The following GNS variants were observed in gnomAD, a reference collection of about 807,000 sequenced individuals.
GNS encodes the protein N-acetylglucosamine-6-sulfatase.
GNS carries 40 observed loss-of-function variants against 69.7 expected under a neutral mutation model. The ratio of observed to expected loss-of-function variants is 0.57; its 90% CI spans 0.45 to 0.75. The LOEUF (loss-of-function observed/expected upper bound fraction) is 0.75, where lower values mean the gene tolerates loss of function less well. Ranked by LOEUF, GNS falls within the 30% of genes least tolerant of loss-of-function variation. The pLI, the probability that GNS is intolerant of heterozygous loss-of-function variation, is 0.00. For missense variants in GNS, 565 were observed against 685.5 expected (o/e 0.82, Z 1.96); for synonymous variants, 243 against 251.6 (o/e 0.97, Z 0.32).
chr12:64,743,712 C>T (rs577389435), intron 5 of GNS, among the ~76,000 whole-genome samples: 6 of 152,210 alleles, frequency 3.9e-5, no homozygotes, highest in Admixed American at 3.3e-4. Flanking sequence ...GATTAAGTTA[C>T]CTTAACCTTA....
intron 13 of GNS, among the ~76,000 whole-genome samples, chr12:64,719,798 G>A (rs1330923170): frequency 6.6e-6 from 1 of 152,104 alleles, no homozygotes; most frequent in African/African-American, 2.4e-5. Context: ...TGTTTGGTGG[G>A]GAGCAGGGCT....
intron 13 of GNS, among the ~76,000 whole-genome samples, chr12:64,717,518 A>AT (rs57088346): frequency 0.014 from 1,822 of 131,296 alleles, 39 homozygotes; most frequent in African/African-American, 0.044. Context: ...CACCTGGCTA[A>AT]TTTTTTTTTT....
At chr12:64,748,876 A>G (rs1869980203) in intron 2 of GNS, among the ~76,000 whole-genome samples, 1 of 152,198 alleles carries the variant, frequency 6.6e-6, no homozygotes, top group South Asian at 2.1e-4. Flanking sequence ...TCATGCAAAA[A>G]TTGGGTATTA....
intron 10 of GNS, among the ~76,000 whole-genome samples, chr12:64,727,056 C>A (rs1377475449): frequency 6.6e-6 from 1 of 151,950 alleles, no homozygotes; most frequent in Admixed American, 6.6e-5. Flanking sequence ...ATCAAAACCA[C>A]AATGAGATAC....
intron 3 of GNS, 139 bp downstream of exon 3, chr12:64,747,572 TA>T: frequency 1.5e-6 from 1 of 651,334 alleles, no homozygotes; most frequent in South Asian, 1.8e-5. Context: ...ATGATATGGG[TA>T]CTTGTTTAAT....
In GNS at chr12:64,745,811, A is replaced by G. The variant is rs1212290053; in HGVS notation, c.460-87T>C. Reference sequence around the variant, plus strand: ...ACAGGAAATTTTACAATCTTTTTAGACCAGTGCCTGAAACATAGTAGGTAC... The same window carrying G: ...ACAGGAAATTTTACAATCTTTTTAGGCCAGTGCCTGAAACATAGTAGGTAC... On this transcript the variant is annotated intron_variant, in intron 3 of 13. Transcript: ENST00000258145. The G allele has an allele frequency of 5.9e-6, 5 of 842,414 alleles. No homozygotes were observed. In the East Asian group the frequency reaches 1.2e-4, roughly 21 times the overall value. 52.2% of individuals were successfully genotyped at this position (842,414 alleles called of 1,614,324 possible).
chr12:64,728,057 G>C lies in GNS; in HGVS notation c.1200+899C>G, dbSNP rs548391302. 4.3e-4 allele frequency among the ~76,000 whole-genome samples: 66 copies of C among 152,266 alleles called. 2 individuals carry two copies. The South Asian group carries it at 1.0e-2, about 23-fold the overall frequency. ...TTCTGCCTCAGCCTCCCGAGTAGCTGGGATTACAGGTGCCCGCCACCATGC... is the reference window on the plus strand; with the variant it reads ...TTCTGCCTCAGCCTCCCGAGTAGCTCGGATTACAGGTGCCCGCCACCATGC... On this transcript the variant is annotated intron_variant, in intron 10 of 13. Transcript: ENST00000258145.
intron 5 of GNS, 84 bp from the exon 6 acceptor site, chr12:64,743,392 G>T: frequency 2.1e-6 from 2 of 951,964 alleles, no homozygotes; most frequent in Non-Finnish European, 3.4e-6. Context: ...TGAGCAGACA[G>T]TACAGGGTCT....
Position 64,747,700 on chromosome 12 carries a change from C to T in GNS, c.459+12G>A, listed in dbSNP as rs1329462547. 1 of 1,376,066 alleles carries T rather than the reference C, an allele frequency of 7.3e-7. No individual in the cohort carries two copies. Among genetic ancestry groups the T allele is most frequent in the Admixed American group, 1.7e-5 (1 of 59,736 alleles). The allele number at this position is 1,376,066 out of a possible 1,614,324, so 85.2% of individuals were successfully genotyped here. On this transcript the variant is annotated intron_variant, in intron 3 of 13. Transcript: ENST00000258145. Reference sequence around the variant, plus strand: ...AGCCATTATAAAAAAAGAAACAGATCATTCAACATACCTCATTTAAATATT... The same window carrying T: ...AGCCATTATAAAAAAAGAAACAGATTATTCAACATACCTCATTTAAATATT...
At chr12:64,722,702 A>T (rs1333778682) in intron 11 of GNS, 12 of 334,176 alleles carry the variant, frequency 3.6e-5, no homozygotes, top group South Asian at 5.3e-5. Context: ...ATCCCTAATT[A>T]AAAAAAAATG....
At chr12:64,719,302 G>A (rs1467831022) in intron 13 of GNS, among the ~76,000 whole-genome samples, 2 of 152,180 alleles carry the variant, frequency 1.3e-5, no homozygotes, top group African/African-American at 4.8e-5. Flanking sequence ...ACAGTCTGAA[G>A]GTAGGAACTA....
Position 64,752,683 on chromosome 12 carries a change from A to C in GNS, c.252+15T>G. Reference sequence around the variant, plus strand: ...ACAGTTAAATTAACAAAATTGAATTAACTTTCAAACTTACAGCACTGGAAA... The same window carrying C: ...ACAGTTAAATTAACAAAATTGAATTCACTTTCAAACTTACAGCACTGGAAA... On this transcript the variant is annotated intron_variant, in intron 2 of 13. Transcript: ENST00000258145. The C allele has an allele frequency of 7.4e-7, 1 of 1,345,170 alleles. No homozygotes were observed. 83.3% of individuals were successfully genotyped at this position (1,345,170 alleles called of 1,614,324 possible).
chr12:64,735,726 A>G (rs1869539063), intron 9 of GNS, among the ~76,000 whole-genome samples: 1 of 152,220 alleles, frequency 6.6e-6, no homozygotes, highest in African/African-American at 2.4e-5. Context: ...ACCAACCTCA[A>G]GAAAACACTT....
intron 2 of GNS, among the ~76,000 whole-genome samples, chr12:64,750,812 G>A (rs60648839): frequency 0.069 from 10,505 of 152,012 alleles, 1,256 homozygotes; most frequent in African/African-American, 0.24. Context: ...AAGCTGAGGC[G>A]GGAGGATCAT....
chr12:64,724,171 G>A (rs1027627416), intron 10 of GNS, among the ~76,000 whole-genome samples: 2 of 152,152 alleles, frequency 1.3e-5, no homozygotes, highest in Non-Finnish European at 2.9e-5. Context: ...AGAACTCTTG[G>A]TGATTTCCAC....
At chr12:64,731,895 C>T (rs1378418675) in intron 9 of GNS, among the ~76,000 whole-genome samples, 2 of 152,096 alleles carry the variant, frequency 1.3e-5, no homozygotes, top group South Asian at 4.1e-4. Context: ...ATGTTTGAGC[C>T]ACCACATTCC....
chr12:64,744,596 A>C (rs1037276149), intron 5 of GNS, among the ~76,000 whole-genome samples: 3 of 152,228 alleles, frequency 2.0e-5, no homozygotes, highest in Non-Finnish European at 4.4e-5. Flanking sequence ...CTGGAATTTC[A>C]AGAGCATTAG....
chr12:64,729,138 C>G (rs547501880), intron 9 of GNS, 81 bp from the exon 10 acceptor site: 6 of 780,810 alleles, frequency 7.7e-6, no homozygotes, highest in Admixed American at 1.9e-5. Flanking sequence ...TCTCTTCCCC[C>G]CACCCCGCCC....
intron 10 of GNS, 149 bp from the exon 11 acceptor site, chr12:64,723,262 T>C: frequency 1.5e-6 from 1 of 670,638 alleles, no homozygotes; most frequent in East Asian, 2.8e-5. Flanking sequence ...CAGGTACATA[T>C]GAAAGCTACT....
Sources: allele counts gnomAD v4.1 joint callset (sites outside exome capture counted in the v4.1 genomes callset), GRCh38; gene constraint gnomAD v4.1.1; transcripts MANE v1.5; gene names NCBI Gene and HGNC (gene_info 2026-07-23, HGNC 2026-07-21).